The following LEPR variants were observed in gnomAD, a reference collection of about 807,000 sequenced individuals.
LEPR encodes OB receptor.
In LEPR, 56 loss-of-function variants were observed where a neutral mutation model predicts 114.7. That is an observed-to-expected ratio of 0.49 (90% CI 0.39 to 0.61). The LOEUF (loss-of-function observed/expected upper bound fraction) is 0.61. LEPR is among the 20% of genes least tolerant of loss of function. The pLI, the probability that LEPR is intolerant of heterozygous loss-of-function variation, is 0.00. For synonymous variants in LEPR, 443 were observed against 461.4 expected (o/e 0.96, Z 0.51); for missense variants, 1,202 against 1,352.9 (o/e 0.89, Z 1.75).
At chr1:65,604,982 T>C (rs1048871159) in intron 10 of LEPR, 56 bp from the exon 11 acceptor site, 14 of 1,593,374 alleles carry the variant, frequency 8.8e-6, no homozygotes, top group African/African-American at 2.7e-5. Flanking sequence ...TTCTCAGATA[T>C]CTTCTTGTTG....
At chr1:65,482,987 C>CAA (rs1190386900) in intron 2 of LEPR, among the ~76,000 whole-genome samples, 15 of 63,078 alleles carry the variant, frequency 2.4e-4, no homozygotes, top group African/African-American at 4.9e-4. Flanking sequence ...GACTCTGTCT[C>CAA]AAAAAAAAAA....
chr1:65,454,211 A>C (rs1557600101), intron 2 of LEPR, among the ~76,000 whole-genome samples: 1 of 152,104 alleles, frequency 6.6e-6, no homozygotes, highest in Non-Finnish European at 1.5e-5. Context: ...AATACAGCAC[A>C]CTGATGGGTC....
chr1:65,602,146 A>C (rs1164331042), intron 10 of LEPR, among the ~76,000 whole-genome samples, 186 bp downstream of exon 10: 1 of 152,094 alleles, frequency 6.6e-6, no homozygotes, highest in Non-Finnish European at 1.5e-5. Flanking sequence ...TTCACACCTG[A>C]GATTAAAAAA....
intron 5 of LEPR, among the ~76,000 whole-genome samples, chr1:65,575,352 A>G (rs992452576): frequency 6.6e-6 from 1 of 151,350 alleles, no homozygotes; most frequent in African/African-American, 2.4e-5. Context: ...TCATTGGCTC[A>G]TTGGCTACTT....
At position 65,440,266 on chromosome 1, in the gene LEPR, C is replaced by T. The variant is rs532557802; in HGVS notation, c.-21+14888C>T. Among the ~76,000 whole-genome samples the T allele has an allele frequency of 3.3e-5, 5 of 151,798 alleles. No individual in the cohort carries two copies. In the East Asian group the frequency reaches 9.7e-4, roughly 29 times the overall value. ...TCTTTCAAGAAATATTTGTTGAGCA[C>T]CTATTATGTGCTCAACATAATTATA... On this transcript the variant is annotated intron_variant, in intron 2 of 19. Coordinates refer to ENST00000349533, the MANE Select transcript of LEPR (RefSeq NM_002303.6).
rs1419821851 is a variant in LEPR, at chr1:65,425,334, T to C, written c.-65T>C. ...TGGCATTATCCTTCAGTGGGGCTAT[T>C]GGACTGACTTTTCTTATGCTGGGAT... On this transcript the variant is annotated 5_prime_UTR_variant, in exon 2 of 20. Transcript: ENST00000349533. 1.9e-6 allele frequency: 3 copies of C among 1,608,156 alleles called. No homozygotes were observed. Among genetic ancestry groups the C allele is most frequent in the African/African-American group, 1.3e-5 (1 of 74,532 alleles).
chr1:65,570,721 A>G lies in LEPR; in HGVS notation c.289A>G (p.Arg97Gly), dbSNP rs1654093868. The change falls in exon 4 of 20, where the codon AGA becomes GGA. Residue 97 changes from arginine to glycine, a missense_variant. Arg to Gly is a moderately radical substitution (Grantham distance 125). Transcript: ENST00000349533. ...CTGTTGCTTTCGGAGTGAGCAAGAT[A>G]GAAACTGCTCCTTATGTGCAGACAA... ...FHCCFRSEQD[R>G]NCSLCADNIE... The G allele has an allele frequency of 1.2e-6, 2 of 1,611,450 alleles. No individual in the cohort carries two copies. Among genetic ancestry groups the G allele is most frequent in the African/African-American group, 1.3e-5 (1 of 74,882 alleles).
At chr1:65,574,403 TA>T (rs11291729) in intron 5 of LEPR, among the ~76,000 whole-genome samples, 39,299 of 151,950 alleles carry the variant, frequency 0.26, 6,239 homozygotes, top group East Asian at 0.81. Context: ...ATAATAATAA[TA>T]AAAAAAATTT....
chr1:65,631,184 T>C (rs1658504486), intron 19 of LEPR, among the ~76,000 whole-genome samples: 1 of 152,050 alleles, frequency 6.6e-6, no homozygotes, highest in African/African-American at 2.4e-5. Context: ...CCCCAGACAG[T>C]TCCTTAGTTG....
intron 2 of LEPR, chr1:65,525,599 C>A: frequency 1.0e-6 from 1 of 983,094 alleles, no homozygotes. Flanking sequence ...CCGACTCTTC[C>A]CTCCCTTCTC....
chr1:65,460,812 G>A (rs1646935484), intron 2 of LEPR, among the ~76,000 whole-genome samples: 1 of 151,894 alleles, frequency 6.6e-6, no homozygotes, highest in East Asian at 1.9e-4. Flanking sequence ...ACTGCACTCT[G>A]GTCTGGGTGA....
chr1:65,626,157 G>A, intron 19 of LEPR: 2 of 1,612,152 alleles, frequency 1.2e-6, no homozygotes, highest in Non-Finnish European at 1.7e-6. Context: ...CTGGGTGGAG[G>A]TTGGTTGACT....
intron 2 of LEPR, chr1:65,435,114 C>A: frequency 3.0e-6 from 3 of 985,376 alleles, no homozygotes; most frequent in Non-Finnish European, 3.6e-6. Context: ...TATTTTGGGA[C>A]AGGGAAAATC....
At chr1:65,547,443 C>G (rs866917593) in intron 2 of LEPR, among the ~76,000 whole-genome samples, 2,656 of 151,108 alleles carry the variant, frequency 0.018, 82 homozygotes, top group African/African-American at 0.06. Flanking sequence ...GTCCTGGACT[C>G]TTTTTGGTTG....
chr1:65,503,344 G>C (rs760004703), intron 2 of LEPR, among the ~76,000 whole-genome samples: 1 of 152,132 alleles, frequency 6.6e-6, no homozygotes, highest in Non-Finnish European at 1.5e-5. Context: ...GGGTCACAGG[G>C]TGGAATATAG....
At chr1:65,471,992 A>G (rs936991007) in intron 2 of LEPR, among the ~76,000 whole-genome samples, 1 of 152,122 alleles carries the variant, frequency 6.6e-6, no homozygotes, top group South Asian at 2.1e-4. Flanking sequence ...AATGCCCAAA[A>G]CACTTCCCCA....
intron 2 of LEPR, among the ~76,000 whole-genome samples, chr1:65,481,931 T>G (rs1647253957): frequency 6.6e-6 from 1 of 151,572 alleles, no homozygotes; most frequent in Non-Finnish European, 1.5e-5. Flanking sequence ...TTTAGAAATT[T>G]TATATGATGA....
chr1:65,432,681 A>T (rs114328096), intron 2 of LEPR: 15,565 of 974,326 alleles, frequency 0.016, 142 homozygotes, highest in Non-Finnish European at 0.018. Flanking sequence ...GAATTGGGAG[A>T]CAGTCAAAGG....
At position 65,610,191 on chromosome 1, in the gene LEPR, A is replaced by C. The variant is rs763161804; in HGVS notation, c.1913-23A>C. On this transcript the variant is annotated intron_variant, in intron 13 of 19. Coordinates refer to ENST00000349533, the MANE Select transcript of LEPR (RefSeq NM_002303.6). Reference sequence around the variant, plus strand: ...CTGAAAAGTATTTCTTCAAAAACATATACACAACTTGTCATTTTGCAGTTC... The same window carrying C: ...CTGAAAAGTATTTCTTCAAAAACATCTACACAACTTGTCATTTTGCAGTTC... The C allele has an allele frequency of 1.9e-6, 3 of 1,613,966 alleles. No individual in the cohort carries two copies. The African/African-American group carries it at 4.0e-5, about 22-fold the overall frequency.
Sources: allele counts gnomAD v4.1 joint callset (sites outside exome capture counted in the v4.1 genomes callset), GRCh38; gene constraint gnomAD v4.1.1; transcripts MANE v1.5; gene names NCBI Gene and HGNC (gene_info 2026-07-23, HGNC 2026-07-21).